Variants in NCOA1 observed in about 807,000 individuals in gnomAD.
NCOA1 encodes nuclear receptor coactivator 1.
A neutral mutation model predicts 150.9 loss-of-function variants in NCOA1; 35 were observed. The observed-to-expected ratio is 0.23, with a 90% CI of 0.18 to 0.31. The LOEUF is 0.31. Ranked by LOEUF, NCOA1 falls within the 10% of genes least tolerant of loss-of-function variation. The probability of loss-of-function intolerance (pLI) is 1.00; values close to 1 mark genes in which losing one functional copy is unlikely to be tolerated. For synonymous variants in NCOA1, 590 were observed against 630.0 expected (o/e 0.94, Z 0.95); for missense variants, 1,491 against 1,749.3 (o/e 0.85, Z 2.63).
chr2:24,687,770 T>C (rs1467083769), intron 8 of NCOA1, among the ~76,000 whole-genome samples: 1 of 152,138 alleles, frequency 6.6e-6, no homozygotes, highest in African/African-American at 2.4e-5. Context: ...ACATGTGGAT[T>C]ACAGGTCCCT....
At chr2:24,501,829 A>G (rs1239629018) in intron 1 of NCOA1, among the ~76,000 whole-genome samples, 4 of 152,186 alleles carry the variant, frequency 2.6e-5, no homozygotes, top group African/African-American at 4.8e-5. Flanking sequence ...GAAAGGGTCC[A>G]TGACCTCCCC....
rs145888794 is a variant in NCOA1 at position 24,497,212 on chromosome 2, A to G, written c.-396+5610A>G. ...GTGGAAATCATATTCATACCTTTCA[A>G]TTGGCTTCTCTTCAAGCATGTTCGT... On this transcript the variant is annotated intron_variant, in intron 1 of 22. Transcript: ENST00000348332. Among the ~76,000 whole-genome samples, 480 of 151,948 alleles carry G rather than the reference A, an allele frequency of 3.2e-3. 1 individual carries two copies. The highest frequency in any genetic ancestry group is 0.011 in the African/African-American group (459 of 41,424).
chr2:24,717,731 C>CT (rs1230251844), intron 14 of NCOA1, among the ~76,000 whole-genome samples: 2 of 152,100 alleles, frequency 1.3e-5, no homozygotes, highest in African/African-American at 2.4e-5. Flanking sequence ...AAACTGTGGA[C>CT]TTTAGTTAAT....
chr2:24,729,903 T>A, intron 17 of NCOA1, 88 bp downstream of exon 17: 1 of 1,393,298 alleles, frequency 7.2e-7, no homozygotes, highest in Non-Finnish European at 9.7e-7. Context: ...TAGTGTGCAG[T>A]AGTGCTATCT....
intron 3 of NCOA1, among the ~76,000 whole-genome samples, chr2:24,593,814 C>T (rs761177213): frequency 1.3e-5 from 2 of 152,104 alleles, no homozygotes; most frequent in Non-Finnish European, 2.9e-5. Flanking sequence ...CCCTATAAGG[C>T]CTCACCCAAT....
chr2:24,722,757 A>C (rs921279064), intron 14 of NCOA1, among the ~76,000 whole-genome samples: 2 of 152,162 alleles, frequency 1.3e-5, no homozygotes, highest in African/African-American at 4.8e-5. Flanking sequence ...TTTCGTATGC[A>C]ACATTTTCAG....
intron 22 of NCOA1, among the ~76,000 whole-genome samples, chr2:24,763,618 T>A (rs76842193): frequency 4.2e-5 from 5 of 118,518 alleles, no homozygotes; most frequent in Admixed American, 4.1e-4. Context: ...CTCTCTCTCT[T>A]TTTTTTTTTT....
chr2:24,751,992 C>A lies in NCOA1; in HGVS notation c.3717C>A (p.Pro1239=), dbSNP rs1174570094. The change falls in exon 20 of 23, where the codon CCC becomes CCA. Residue 1239 remains proline, a synonymous_variant. Coordinates refer to ENST00000348332, the MANE Select transcript of NCOA1 (RefSeq NM_003743.5). The part of the protein sequence containing the change: ...VFQYPGAGMV[P]QGEANFAPSL... ...TGTGTCAATTTACAGGAATGGTTCC[C>A]CAAGGTGAGGCCAACTTTGCTCCAT... The A allele has an allele frequency of 6.2e-7, 1 of 1,610,446 alleles. No individual in the cohort carries two copies. Among genetic ancestry groups the A allele is most frequent in the Non-Finnish European group, 8.5e-7 (1 of 1,178,432 alleles).
At chr2:24,556,625 A>G (rs965077497) in intron 1 of NCOA1, among the ~76,000 whole-genome samples, 1 of 152,230 alleles carries the variant, frequency 6.6e-6, no homozygotes, top group Non-Finnish European at 1.5e-5. Flanking sequence ...ACGTATGGAA[A>G]AAAGCTCAAC....
At position 24,768,236 on chromosome 2, in the gene NCOA1, C is replaced by G; in HGVS notation, c.4171C>G (p.Gln1391Glu). The change falls in exon 23 of 23, where the codon CAG becomes GAG. Residue 1391 changes from glutamine to glutamate, a missense_variant. Transcript: ENST00000348332. ...TGTGTTCCAGCAGGTGCAACAGGTT[C>G]AGGTGTTTGCTGACGTCCAGTGTAC... ...ADGTQQVQQVQVFADVQCTVN... is the reference protein window; with the variant it reads ...ADGTQQVQQVEVFADVQCTVN... 1.2e-6 allele frequency: 2 copies of G among 1,612,922 alleles called. No individual in the cohort carries two copies. The highest frequency in any genetic ancestry group is 8.5e-7 in the Non-Finnish European group (1 of 1,179,178).
intron 1 of NCOA1, among the ~76,000 whole-genome samples, chr2:24,519,580 G>T (rs1163093259): frequency 6.6e-6 from 1 of 150,884 alleles, no homozygotes; most frequent in Non-Finnish European, 1.5e-5. Flanking sequence ...AGCACTTTGG[G>T]ATGCTGAGGC....
chr2:24,693,190 G>C, intron 9 of NCOA1, 62 bp from the exon 10 acceptor site: 1 of 1,452,778 alleles, frequency 6.9e-7, no homozygotes. Context: ...TTAATGGCGA[G>C]TGATAGATAT....
At chr2:24,553,018 ATACAG>A (rs1450908974) in intron 1 of NCOA1, among the ~76,000 whole-genome samples, 2 of 152,176 alleles carry the variant, frequency 1.3e-5, no homozygotes, top group Admixed American at 6.5e-5. Flanking sequence ...GTGTAATACA[ATACAG>A]TACATTGTTG....
intron 17 of NCOA1, among the ~76,000 whole-genome samples, chr2:24,731,801 G>A (rs147482569): frequency 3.5e-4 from 54 of 152,238 alleles, no homozygotes; most frequent in Non-Finnish European, 5.6e-4. Context: ...CAGTTTCCCC[G>A]TGTTTAATTT....
chr2:24,736,732 A>G (rs1354745870), intron 17 of NCOA1, among the ~76,000 whole-genome samples: 1 of 151,958 alleles, frequency 6.6e-6, no homozygotes, highest in African/African-American at 2.4e-5. Context: ...TATGGGGGAG[A>G]TGTTGTGTGC....
chr2:24,740,514 C>T (rs1663550890), intron 18 of NCOA1, among the ~76,000 whole-genome samples: 1 of 152,138 alleles, frequency 6.6e-6, no homozygotes, highest in Non-Finnish European at 1.5e-5. Flanking sequence ...CAGTAAAATA[C>T]TGTAGTATTA....
At chr2:24,696,987 G>C (rs867366379) in intron 10 of NCOA1, among the ~76,000 whole-genome samples, 4 of 151,992 alleles carry the variant, frequency 2.6e-5, no homozygotes, top group Admixed American at 6.6e-5. Flanking sequence ...TTGGCCCTCT[G>C]TTAACTGAGG....
intron 19 of NCOA1, among the ~76,000 whole-genome samples, chr2:24,748,825 A>T (rs774553253): frequency 1.6e-4 from 24 of 152,310 alleles, no homozygotes; most frequent in Middle Eastern, 3.4e-3. Context: ...GCATGTGTTC[A>T]CAAAGTGACA....
rs760897365 is a variant in NCOA1 at position 24,682,932 on chromosome 2, T to G, written c.355-19T>G. The G allele has an allele frequency of 8.9e-6, 14 of 1,569,270 alleles. No individual in the cohort carries two copies. The South Asian group carries it at 1.7e-4, about 19-fold the overall frequency. On this transcript the variant is annotated intron_variant, in intron 7 of 22. Coordinates refer to ENST00000348332, the MANE Select transcript of NCOA1 (RefSeq NM_003743.5). ...TTATCTTTCAACCTCCAAACCATTT[T>G]TTTCTTTTGGTTTTGCAGGCTTTGG... is the stretch of plus-strand genomic sequence containing the variant.
Sources: gnomAD v4.1 joint callset for allele counts (sites outside exome capture counted in the v4.1 genomes callset) on GRCh38, gnomAD v4.1.1 for gene constraint, MANE v1.5 for transcripts, NCBI Gene and HGNC (gene_info 2026-07-23, HGNC 2026-07-21) for gene names.